Variants in MID1 observed in about 807,000 individuals in gnomAD.
MID1 encodes E3 ubiquitin-protein ligase Midline-1.
MID1 carries 7 observed loss-of-function variants against 40.4 expected under a neutral mutation model. The ratio of observed to expected loss-of-function variants is 0.17; its 90% confidence interval spans 0.10 to 0.33. MID1 has a LOEUF of 0.33. MID1 is among the 10% of genes least tolerant of loss of function. The pLI, the probability that MID1 is intolerant of heterozygous loss-of-function variation, is 1.00. For synonymous variants in MID1, 229 were observed against 221.2 expected, an observed-to-expected ratio of 1.04 and a Z score of -0.31; for missense variants, 367 against 558.5, an observed-to-expected ratio of 0.66 and a Z score of 3.46.
At chrX:10,569,279 G>T (rs949549009) in intron 1 of MID1, among the ~76,000 whole-genome samples, 1 of 111,705 alleles carries the variant, frequency 9.0e-6, no homozygotes, top group African/African-American at 3.3e-5. Context: ...ATAAAAGCCT[G>T]GTATCTTAAA....
chrX:10,815,757 A>C lies in MID1; in HGVS notation c.-187+17797T>G, dbSNP rs1430755071. On this transcript the variant is annotated intron_variant, in intron 1 of 10. Transcript: ENST00000380785. ...AGTATTGATAAATTACAATTCCTCA[A>C]ATCTAAAGCCTTTCCTGACACGTTT... Among the ~76,000 whole-genome samples the C allele has an allele frequency of 2.7e-5, 3 of 112,595 alleles. No individual in the cohort carries two copies. In the East Asian group the frequency reaches 8.4e-4, roughly 31 times the overall value.
chrX:10,750,533 A>C (rs970376529), intron 1 of MID1, among the ~76,000 whole-genome samples: 13 of 110,796 alleles, frequency 1.2e-4, no homozygotes, highest in Non-Finnish European at 2.5e-4. Context: ...TGGGAGGCTG[A>C]GGCACGAGAA....
At chrX:10,800,409 G>A (rs1030654724) in intron 1 of MID1, among the ~76,000 whole-genome samples, 2 of 112,042 alleles carry the variant, frequency 1.8e-5, no homozygotes, top group East Asian at 2.8e-4. Flanking sequence ...GTGGATATCC[G>A]GATCACAGCC....
intron 1 of MID1, among the ~76,000 whole-genome samples, chrX:10,657,932 T>C (rs781478935): frequency 2.4e-4 from 27 of 112,012 alleles, no homozygotes; most frequent in African/African-American, 8.4e-4. Flanking sequence ...AGAGATTAGA[T>C]CCAAAACTTT....
At chrX:10,508,676 G>A (rs924092304) in intron 3 of MID1, among the ~76,000 whole-genome samples, 12 of 111,554 alleles carry the variant, frequency 1.1e-4, no homozygotes, top group Non-Finnish European at 1.7e-4. Flanking sequence ...AAGGCACCAG[G>A]GAAGAGAGGC....
At chrX:10,726,207 G>T (rs949617286) in intron 1 of MID1, among the ~76,000 whole-genome samples, 12 of 111,976 alleles carry the variant, frequency 1.1e-4, no homozygotes, top group Non-Finnish European at 5.6e-5. Flanking sequence ...ACACACTCTG[G>T]ATATCAACTA....
At chrX:10,531,364 GT>G (rs1932966274) in intron 2 of MID1, among the ~76,000 whole-genome samples, 1 of 112,040 alleles carries the variant, frequency 8.9e-6, no homozygotes, top group African/African-American at 3.2e-5. Flanking sequence ...AATTTAGGTT[GT>G]TTTAATTTTT....
At chrX:10,808,575 C>T (rs2044065389) in intron 1 of MID1, among the ~76,000 whole-genome samples, 1 of 110,366 alleles carries the variant, frequency 9.1e-6, no homozygotes. Flanking sequence ...GGTACACCTC[C>T]CTATGGTGCT....
intron 1 of MID1, among the ~76,000 whole-genome samples, chrX:10,594,816 G>T (rs982883562): frequency 1.8e-5 from 2 of 111,756 alleles, no homozygotes; most frequent in African/African-American, 6.5e-5. Context: ...ACAAGACAAA[G>T]AATATATATA....
intron 1 of MID1, among the ~76,000 whole-genome samples, chrX:10,779,822 C>T (rs1446336978): frequency 1.8e-5 from 2 of 111,092 alleles, no homozygotes; most frequent in African/African-American, 3.3e-5. Context: ...TGCTTGTTTG[C>T]TTATTTTGGA....
chrX:10,455,120 AT>A, intron 8 of MID1, 43 bp from the exon 9 acceptor site: 1 of 1,092,373 alleles, frequency 9.2e-7, no homozygotes. Flanking sequence ...GAGGAAGAGG[AT>A]TGTTTATTTT....
intron 1 of MID1, among the ~76,000 whole-genome samples, chrX:10,715,878 G>A (rs761076621): frequency 2.7e-5 from 3 of 111,613 alleles, no homozygotes; most frequent in African/African-American, 9.8e-5. Flanking sequence ...AGCAACATTT[G>A]CTGTTCACCA....
At chrX:10,769,651 C>G (rs1432560482) in intron 1 of MID1, among the ~76,000 whole-genome samples, 1 of 112,202 alleles carries the variant, frequency 8.9e-6, no homozygotes, top group African/African-American at 3.2e-5. Flanking sequence ...ACAAAGATTA[C>G]GTTTAACTCC....
intron 1 of MID1, among the ~76,000 whole-genome samples, chrX:10,649,889 G>A (rs1266969760): frequency 1.8e-5 from 2 of 111,866 alleles, no homozygotes; most frequent in East Asian, 2.8e-4. Flanking sequence ...AACACTTAAC[G>A]TGTCAATCTG....
At chrX:10,542,943 A>C (rs992322328) in intron 2 of MID1, among the ~76,000 whole-genome samples, 2 of 112,598 alleles carry the variant, frequency 1.8e-5, no homozygotes, top group African/African-American at 6.4e-5. Flanking sequence ...CAAACACATA[A>C]TAATTCTTCC....
At chrX:10,743,193 T>C (rs1034103161) in intron 1 of MID1, among the ~76,000 whole-genome samples, 1 of 112,351 alleles carries the variant, frequency 8.9e-6, no homozygotes, top group East Asian at 2.8e-4. Context: ...GCTGGGTGGT[T>C]GTTTTTATGA....
chrX:10,819,113 A>G (rs1359879098), intron 1 of MID1, among the ~76,000 whole-genome samples: 1 of 110,907 alleles, frequency 9.0e-6, no homozygotes, highest in Non-Finnish European at 1.9e-5. Context: ...TGAGGGGATA[A>G]TTTGTATTGT....
intron 3 of MID1, among the ~76,000 whole-genome samples, chrX:10,499,019 G>C (rs1931408441): frequency 8.9e-6 from 1 of 112,343 alleles, no homozygotes; most frequent in South Asian, 3.7e-4. Flanking sequence ...GAACTGCCAA[G>C]CTATTGTTCA....
intron 5 of MID1, among the ~76,000 whole-genome samples, chrX:10,480,227 C>G (rs112438190): frequency 3.6e-5 from 4 of 112,378 alleles, no homozygotes; most frequent in African/African-American, 9.7e-5. Flanking sequence ...CATGTTCCTG[C>G]TCTTGATGAG....
Sources: allele counts gnomAD v4.1 joint callset (sites outside exome capture counted in the v4.1 genomes callset), GRCh38; gene constraint gnomAD v4.1.1; transcripts MANE v1.5; gene names NCBI Gene and HGNC (gene_info 2026-07-23, HGNC 2026-07-21).